Variants in MPC1 observed in about 807,000 individuals in gnomAD.
The protein encoded by MPC1 is mitochondrial pyruvate carrier 1.
A neutral mutation model predicts 13.9 loss-of-function variants in MPC1; 6 were observed. The ratio of observed to expected loss-of-function variants is 0.43; its 90% CI spans 0.24 to 0.85. The LOEUF is 0.85. Ranked by LOEUF, MPC1 falls within the 40% of genes least tolerant of loss-of-function variation. The pLI is 0.24. For synonymous variants in MPC1, 47 were observed against 50.5 expected, an observed-to-expected ratio of 0.93 and a Z score of 0.29; for missense variants, 115 against 143.3, an observed-to-expected ratio of 0.80 and a Z score of 1.01.
Position 166,366,877 on chromosome 6 carries a change from T to C in MPC1, c.90A>G (p.Pro30=). The change falls in exon 3 of 5, where the codon CCA becomes CCG. Residue 30 remains proline (P), a synonymous_variant. Coordinates refer to ENST00000360961, the MANE Select transcript of MPC1 (RefSeq NM_016098.4). ...CAATGGGAAGACCCCAGTTGGCTAC[T>C]GGGCCCCAGAAGTGCTACAAAAAAT... is the stretch of plus-strand genomic sequence containing the variant. ...DYLMSTHFWG[P]VANWGLPIAA... 6.2e-7 allele frequency: 1 copy of C among 1,614,068 alleles called. No individual in the cohort carries two copies. The highest frequency in any genetic ancestry group is 8.5e-7 in the Non-Finnish European group (1 of 1,179,952).
At chr6:166,380,301 G>A (rs1362055390) in intron 1 of MPC1, among the ~76,000 whole-genome samples, 1 of 152,148 alleles carries the variant, frequency 6.6e-6, no homozygotes, top group Non-Finnish European at 1.5e-5. Flanking sequence ...AAACCCATTT[G>A]ATGGACAAAT....
chr6:166,365,853 T>C lies in MPC1; in HGVS notation c.305+121A>G, dbSNP rs907358474. On this transcript the variant is annotated intron_variant, in intron 4 of 4. Coordinates refer to ENST00000360961, the MANE Select transcript of MPC1 (RefSeq NM_016098.4). The surrounding 1 kb of genome is among the most constrained non-coding windows in gnomAD (Gnocchi z 4.2). ...TGGTTTAGTAAGTTGTTTCCCCAAC[T>C]GCTAAAGCGCATCTATACACACTCC... 33 of 1,299,134 alleles carry C rather than the reference T, an allele frequency of 2.5e-5. No homozygotes were observed. The highest frequency in any genetic ancestry group is 3.1e-5 in the Non-Finnish European group (30 of 963,056). 80.5% of individuals were successfully genotyped at this position (1,299,134 alleles called of 1,614,324 possible). A position where few individuals can be genotyped will look rare whatever the true frequency, so the allele number is the denominator to read the frequency against.
intron 1 of MPC1, among the ~76,000 whole-genome samples, chr6:166,382,562 G>C (rs1455601666): frequency 1.3e-5 from 2 of 152,032 alleles, no homozygotes; most frequent in Non-Finnish European, 2.9e-5. Flanking sequence ...GGCGCCCACT[G>C]TCACCCCCGC....
chr6:166,368,040 G>A (rs978852508), intron 2 of MPC1, among the ~76,000 whole-genome samples: 2 of 152,186 alleles, frequency 1.3e-5, no homozygotes, highest in Admixed American at 6.5e-5. Flanking sequence ...ATCACCATAA[G>A]TATTTCAGGG....
Position 166,366,806 on chromosome 6 carries a change from C to T in MPC1, c.161G>A (p.Arg54Gln), listed in dbSNP as rs529362064. ...ATCTGCATTCTTACCAAATGTCATC[C>T]GCCCACTGATAATCTCTGGAGACTT... The part of the protein sequence containing the change: ...MKKSPEIISG[R>Q]MTFALCCYSL... Residue 54 changes from arginine (R) to glutamine (Q), a missense_variant, in exon 3 of 5, where the codon CGG becomes CAG. Coordinates refer to ENST00000360961, the MANE Select transcript of MPC1 (RefSeq NM_016098.4). 25 of 1,613,948 alleles carry T rather than the reference C, an allele frequency of 1.5e-5. No individual in the cohort carries two copies. Among genetic ancestry groups the T allele is most frequent in the East Asian group, 1.1e-4 (5 of 44,882 alleles).
At chr6:166,374,559 T>C (rs539340129) in intron 1 of MPC1, among the ~76,000 whole-genome samples, 1 of 152,316 alleles carries the variant, frequency 6.6e-6, no homozygotes, top group South Asian at 2.1e-4. Context: ...TAGTTTGTGA[T>C]TTACATTTAG....
At chr6:166,376,415 G>A (rs1779571323) in intron 1 of MPC1, among the ~76,000 whole-genome samples, 1 of 152,122 alleles carries the variant, frequency 6.6e-6, no homozygotes, top group Non-Finnish European at 1.5e-5. Flanking sequence ...GATGTCTGAT[G>A]GCAGAAGAAA....
intron 1 of MPC1, among the ~76,000 whole-genome samples, chr6:166,380,729 C>T (rs551236789): frequency 1.7e-4 from 26 of 152,144 alleles, no homozygotes; most frequent in Non-Finnish European, 2.6e-4. Flanking sequence ...CACCTGAAGT[C>T]GGGAGTTCGA....
At chr6:166,380,442 T>A (rs1456262975) in intron 1 of MPC1, among the ~76,000 whole-genome samples, 2 of 152,188 alleles carry the variant, frequency 1.3e-5, no homozygotes, top group South Asian at 2.1e-4. Flanking sequence ...TTAGTCAAAG[T>A]GTAATTGAAT....
At position 166,366,027 on chromosome 6, in the gene MPC1, G is replaced by C. The variant is rs563491884; in HGVS notation, c.252C>G (p.His84Gln). ...QPRNWLLFAC[H>Q]ATNEVAQLIQ... ...TGAGCTGGGCTACTTCATTTGTTGC[G>C]TGGCATGCAAACAGAAGCCAGTTCC... Residue 84 changes from histidine (H) to glutamine (Q), a missense_variant, in exon 4 of 5, where the codon CAC (histidine) becomes CAG (glutamine). By Grantham distance (24) the His-to-Gln change is conservative. Around this residue, in one of 3 missense-constraint regions of MPC1, gnomAD observed 71 missense variants for 88.5 expected, o/e 0.80. Transcript: ENST00000360961. The C allele has an allele frequency of 6.2e-7, 1 of 1,613,596 alleles. No homozygotes were observed. The highest frequency in any genetic ancestry group is 8.5e-7 in the Non-Finnish European group (1 of 1,179,746).
intron 1 of MPC1, among the ~76,000 whole-genome samples, chr6:166,377,852 C>T (rs550101590): frequency 6.6e-5 from 10 of 152,278 alleles, no homozygotes; most frequent in Non-Finnish European, 1.3e-4. Flanking sequence ...CAGCTTCATT[C>T]AATTTCTGAA....
chr6:166,374,206 T>C (rs1779489552), intron 1 of MPC1, among the ~76,000 whole-genome samples: 1 of 152,164 alleles, frequency 6.6e-6, no homozygotes, highest in Admixed American at 6.6e-5. Context: ...TTGGCCAGGC[T>C]GGTCTCAAAC....
rs981388519 is a variant in MPC1, at chr6:166,372,587, T to C, written c.72-2366A>G. 1.5e-4 allele frequency among the ~76,000 whole-genome samples: 23 copies of C among 152,304 alleles called. 1 individual carries two copies. Among genetic ancestry groups the C allele is most frequent in the African/African-American group, 5.1e-4 (21 of 41,564 alleles). On this transcript the variant is annotated intron_variant, in intron 1 of 4. Coordinates refer to ENST00000360961, the MANE Select transcript of MPC1 (RefSeq NM_016098.4). Reference sequence around the variant, plus strand: ...AGTAAAGTCAGTTTAAATATGTCTGTTAAATACAAAACACTACAACTCAAC... The same window carrying C: ...AGTAAAGTCAGTTTAAATATGTCTGCTAAATACAAAACACTACAACTCAAC...
chr6:166,366,525 A>G (rs1237329381), intron 3 of MPC1, among the ~76,000 whole-genome samples: 1 of 152,248 alleles, frequency 6.6e-6, no homozygotes, highest in African/African-American at 2.4e-5. Context: ...ATAAATCATT[A>G]AAGTGACTAT....
At chr6:166,373,941 T>A (rs1030598319) in intron 1 of MPC1, among the ~76,000 whole-genome samples, 2 of 152,214 alleles carry the variant, frequency 1.3e-5, no homozygotes, top group African/African-American at 4.8e-5. Context: ...GGCCCATTTT[T>A]AATTTAGTTC....
intron 2 of MPC1, 135 bp downstream of exon 2, chr6:166,370,083 G>C: frequency 1.3e-6 from 1 of 748,262 alleles, no homozygotes; most frequent in South Asian, 1.4e-5. Context: ...GGGTGCAGTA[G>C]GCACCCTTCA....
Position 166,365,468 on chromosome 6 carries a change from A to C in MPC1, c.306-15T>G. 6.4e-7 allele frequency: 1 copy of C among 1,571,588 alleles called. No homozygotes were observed. Reference sequence around the variant, plus strand: ...TTTTAGTCATCCTGGAAAGAAACAAAAAGAAAAATTCAATGAGAAACAAAA... The same window carrying C: ...TTTTAGTCATCCTGGAAAGAAACAACAAGAAAAATTCAATGAGAAACAAAA... On this transcript the variant is annotated splice_polypyrimidine_tract_variant and intron_variant, in intron 4 of 4. Transcript: ENST00000360961. The surrounding 1 kb of genome is among the most constrained non-coding windows in gnomAD (Gnocchi z 4.2).
chr6:166,382,928 C>T lies in MPC1; in HGVS notation c.-52G>A, dbSNP rs1583078489. On this transcript the variant is annotated 5_prime_UTR_variant, in exon 1 of 5. Transcript: ENST00000360961. ...GGTCCCTGCCTCTGCTGCCGCTTCC[C>T]AGAGCCAATGACACCCCGGCCAACC... 6.4e-7 allele frequency: 1 copy of T among 1,555,226 alleles called. No individual in the cohort carries two copies. Among genetic ancestry groups the T allele is most frequent in the Non-Finnish European group, 8.7e-7 (1 of 1,150,840 alleles).
chr6:166,374,735 TGGTTTATGTA>T (rs1207800658), intron 1 of MPC1, among the ~76,000 whole-genome samples: 2 of 152,226 alleles, frequency 1.3e-5, no homozygotes, highest in Admixed American at 6.5e-5. Flanking sequence ...TTAGTTGATT[TGGTTTATGTA>T]GGTCTACTTC....
Sources: allele counts gnomAD v4.1 joint callset (sites outside exome capture counted in the v4.1 genomes callset), GRCh38; gene constraint gnomAD v4.1.1; regional missense constraint gnomAD v4.1.1; non-coding constraint Gnocchi (gnomAD v3.1); transcripts MANE v1.5; gene names NCBI Gene and HGNC (gene_info 2026-07-23, HGNC 2026-07-21).